CHMP1A: variants seen among roughly 807,000 people sequenced by gnomAD.
The protein encoded by CHMP1A is charged multivesicular body protein 1A, also known as VPS46 homolog A.
In CHMP1A, 17 loss-of-function variants were observed where a neutral mutation model predicts 27.0. The ratio of observed to expected loss-of-function variants is 0.63; its 90% CI spans 0.43 to 0.95. The LOEUF (loss-of-function observed/expected upper bound fraction) is 0.95, where lower values mean the gene tolerates loss of function less well. Ranked by LOEUF, CHMP1A falls within the 40% of genes least tolerant of loss-of-function variation. The pLI, the probability that CHMP1A is intolerant of heterozygous loss-of-function variation, is 0.00. For missense variants in CHMP1A, 275 were observed against 264.0 expected, an observed-to-expected ratio of 1.04 and a Z score of -0.29; for synonymous variants, 131 against 107.5, an observed-to-expected ratio of 1.22 and a Z score of -1.35.
intron 2 of CHMP1A, among the ~76,000 whole-genome samples, chr16:89,653,692 C>G (rs1433936003): frequency 9.4e-5 from 14 of 148,812 alleles, no homozygotes; most frequent in Non-Finnish European, 2.1e-4. Context: ...CCCTAAGGAT[C>G]TGCCTCCACT....
chr16:89,647,378 G>C (rs778386476), intron 4 of CHMP1A, 47 bp from the exon 5 acceptor site: 1 of 1,567,676 alleles, frequency 6.4e-7, no homozygotes, highest in South Asian at 1.2e-5. Context: ...AAGGCAAGTG[G>C]AGCTCACGCA....
chr16:89,646,197 G>A (rs2059771948), intron 6 of CHMP1A, 110 bp from the exon 7 acceptor site: 7 of 1,003,868 alleles, frequency 7.0e-6, no homozygotes, highest in Non-Finnish European at 1.0e-5. Context: ...GAGATAACAT[G>A]AGTGACAGGC....
chr16:89,652,889 C>G (rs1040855598), intron 2 of CHMP1A, among the ~76,000 whole-genome samples: 1 of 152,190 alleles, frequency 6.6e-6, no homozygotes, highest in African/African-American at 2.4e-5. Flanking sequence ...CCTGGATTAC[C>G]GGAAGCTGCA....
At chr16:89,647,066 A>T in intron 5 of CHMP1A, 137 bp downstream of exon 5, 2 of 1,533,126 alleles carry the variant, frequency 1.3e-6, no homozygotes, top group Non-Finnish European at 1.7e-6. Context: ...CCCAGCACAG[A>T]GGATGCTTGG....
intron 1 of CHMP1A, among the ~76,000 whole-genome samples, 186 bp downstream of exon 1, chr16:89,657,396 A>T: frequency 6.9e-6 from 1 of 144,336 alleles, no homozygotes; most frequent in South Asian, 2.3e-4. Flanking sequence ...TCGGGGGACG[A>T]CGACCGGGAA....
At chr16:89,651,488 A>G in intron 3 of CHMP1A, 81 bp downstream of exon 3, 3 of 1,387,102 alleles carry the variant, frequency 2.2e-6, no homozygotes, top group Non-Finnish European at 1.0e-6. Context: ...CATCAAAACA[A>G]AACAGGACAC....
Position 89,655,286 on chromosome 16 carries a change from C to T in CHMP1A, c.8-1363G>A, listed in dbSNP as rs186320791. Reference sequence around the variant, plus strand: ...TGTGACTGGAAAACAGCCAGCCTGACCCAGATGGCACAGTGCAGGCCAGGC... The same window carrying T: ...TGTGACTGGAAAACAGCCAGCCTGATCCAGATGGCACAGTGCAGGCCAGGC... On this transcript the variant is annotated intron_variant, in intron 1 of 6. Coordinates refer to ENST00000397901, the MANE Select transcript of CHMP1A (RefSeq NM_002768.5). Among the ~76,000 whole-genome samples the T allele has an allele frequency of 2.3e-4, 35 of 152,336 alleles. 1 individual carries two copies. The East Asian group carries it at 6.0e-3, about 26-fold the overall frequency.
In CHMP1A at chr16:89,646,705, C is replaced by A; in HGVS notation, c.391G>T (p.Asp131Tyr). The change falls in exon 6 of 7, where the codon GAC (aspartate) becomes TAC (tyrosine). Residue 131 changes from aspartate to tyrosine, a missense_variant. Coordinates refer to ENST00000397901, the MANE Select transcript of CHMP1A (RefSeq NM_002768.5). The part of the protein sequence containing the change: ...NLDVHTSVME[D>Y]SMSSATTLTT... ...AGGGTGGTGGCCGAGCTCATGGAGT[C>A]CTCCATCACCTGGGGGCAGGGGCAT... The A allele has an allele frequency of 1.2e-6, 2 of 1,608,588 alleles. No homozygotes were observed. The highest frequency in any genetic ancestry group is 2.2e-5 in the South Asian group (2 of 89,842).
rs1568004486 is a variant in CHMP1A, at chr16:89,653,926, G to A, written c.8-3C>T. 2 of 1,613,518 alleles carry A rather than the reference G, an allele frequency of 1.2e-6. No individual in the cohort carries two copies. Among genetic ancestry groups the A allele is most frequent in the Middle Eastern group, 1.7e-4 (1 of 6,060 alleles). ...TACCTTCAACTGGAACAGGGTATCTGCAAAGAAAGAGGGAATTAATGGTTT... is the reference window on the plus strand; with the variant it reads ...TACCTTCAACTGGAACAGGGTATCTACAAAGAAAGAGGGAATTAATGGTTT... On this transcript the variant is annotated splice_region_variant and splice_polypyrimidine_tract_variant and intron_variant, in intron 1 of 6. Coordinates refer to ENST00000397901, the MANE Select transcript of CHMP1A (RefSeq NM_002768.5).
At chr16:89,650,541 C>T (rs945512392) in intron 3 of CHMP1A, among the ~76,000 whole-genome samples, 3 of 152,250 alleles carry the variant, frequency 2.0e-5, no homozygotes, top group African/African-American at 7.2e-5. Flanking sequence ...CCCAGTGGCT[C>T]ATGCCTGTAA....
At chr16:89,652,010 A>C (rs978698123) in intron 2 of CHMP1A, among the ~76,000 whole-genome samples, 8 of 152,238 alleles carry the variant, frequency 5.3e-5, no homozygotes, top group Admixed American at 3.3e-4. Flanking sequence ...TCAACGTCAA[A>C]GAAAGACTGA....
chr16:89,657,548 C>T (rs753805572), intron 1 of CHMP1A, 34 bp downstream of exon 1: 9 of 1,609,238 alleles, frequency 5.6e-6, no homozygotes, highest in Non-Finnish European at 5.1e-6. Flanking sequence ...CCGCCCCGCG[C>T]GCGAGTCCCC....
intron 1 of CHMP1A, among the ~76,000 whole-genome samples, chr16:89,656,299 G>A (rs1324352708): frequency 1.3e-5 from 2 of 152,112 alleles, no homozygotes; most frequent in South Asian, 2.1e-4. Context: ...ACCACGCCTG[G>A]CTAATATTTT....
intron 2 of CHMP1A, among the ~76,000 whole-genome samples, chr16:89,653,488 T>G (rs1377979429): frequency 6.7e-6 from 1 of 148,650 alleles, no homozygotes; most frequent in East Asian, 2.0e-4. Context: ...CTGGGCATGG[T>G]GGTGGGCGCC....
rs776051113 is a variant in CHMP1A, at chr16:89,646,060, G to T, written c.*6C>A. On this transcript the variant is annotated 3_prime_UTR_variant, in exon 7 of 7. Coordinates refer to ENST00000397901, the MANE Select transcript of CHMP1A (RefSeq NM_002768.5). ...GGCAGAGGCGGTGCACACCGGCGGG[G>T]CACGGCTAGTTCCTCAAGGCGGCCA... The T allele has an allele frequency of 7.0e-6, 11 of 1,566,758 alleles. No individual in the cohort carries two copies. The Admixed American group carries it at 2.1e-4, about 30-fold the overall frequency.
Position 89,649,352 on chromosome 16 carries a change from C to A in CHMP1A, c.251G>T (p.Gly84Val). The change falls in exon 4 of 7, where the codon GGG (glycine) becomes GTG (valine). Residue 84 changes from glycine (G) to valine (V), a missense_variant and splice_region_variant. Transcript: ENST00000397901. ...CCAGCACCAGGGCCCAGCACTCACC[C>A]CCTTCATAGTCACAGCTGTCTGCAC... The part of the protein sequence containing the change: ...SKVQTAVTMK[G>V]VTKNMAQVTK... 1 of 1,611,754 alleles carries A rather than the reference C, an allele frequency of 6.2e-7. No individual in the cohort carries two copies. The highest frequency in any genetic ancestry group is 8.5e-7 in the Non-Finnish European group (1 of 1,178,208).
rs1415340075 is a variant in CHMP1A at position 89,645,859 on chromosome 16, A to C, written c.*207T>G. 1 of 1,519,532 alleles carries C rather than the reference A, an allele frequency of 6.6e-7. No homozygotes were observed. The highest frequency in any genetic ancestry group is 8.9e-7 in the Non-Finnish European group (1 of 1,129,842). The allele number at this position is 1,519,532 out of a possible 1,614,324, so 94.1% of individuals were successfully genotyped here. On this transcript the variant is annotated 3_prime_UTR_variant, in exon 7 of 7. Coordinates refer to ENST00000397901, the MANE Select transcript of CHMP1A (RefSeq NM_002768.5). ...AGAAATCACCCCCAGAAATTTGCAG[A>C]AACTCAACACCAGGACACAGACCCA...
Position 89,645,236 on chromosome 16 carries a change from A to G in CHMP1A, c.*830T>C, listed in dbSNP as rs532905810. 1 of 152,614 alleles carries G rather than the reference A, an allele frequency of 6.6e-6. No individual in the cohort carries two copies. The highest frequency in any genetic ancestry group is 1.9e-4 in the East Asian group (1 of 5,188). The allele number at this position is 152,614 out of a possible 1,614,324, so 9.5% of individuals were successfully genotyped here. A position where few individuals can be genotyped will look rare whatever the true frequency, so the allele number is the denominator to read the frequency against. ...CCCCAAGGAAAGGTCCTCCGGGAGA[A>G]CCAGGCTGCCCAAGGGGAGGAGCTG... On this transcript the variant is annotated 3_prime_UTR_variant, in exon 7 of 7. Transcript: ENST00000397901.
In CHMP1A at chr16:89,653,787, C is replaced by T. The variant is rs188544425; in HGVS notation, c.27+117G>A. On this transcript the variant is annotated intron_variant, in intron 2 of 6. Transcript: ENST00000397901. ...GGTCAGCAGTCTGAGCCCTGTGTGG[C>T]GGTCACTCAACTGTTATATAATCTG... 744 of 1,043,604 alleles carry T rather than the reference C, an allele frequency of 7.1e-4. 2 individuals carry two copies. The African/African-American group carries it at 0.011, about 15-fold the overall frequency. 64.6% of individuals were successfully genotyped at this position (1,043,604 alleles called of 1,614,324 possible).
Sources: gnomAD v4.1 joint callset for allele counts (sites outside exome capture counted in the v4.1 genomes callset) on GRCh38, gnomAD v4.1.1 for gene constraint, MANE v1.5 for transcripts, NCBI Gene and HGNC (gene_info 2026-07-23, HGNC 2026-07-21) for gene names.